The following RARB variants were observed in gnomAD, a reference collection of about 807,000 sequenced individuals.
RARB encodes the protein HBV-activated protein.
A neutral mutation model predicts 51.9 loss-of-function variants in RARB; 17 were observed. That is an observed-to-expected ratio of 0.33 (90% CI 0.22 to 0.49). The LOEUF is 0.49. Ranked by LOEUF, RARB falls within the 20% of genes least tolerant of loss-of-function variation. The pLI is 0.99. For synonymous variants in RARB, 215 were observed against 195.4 expected (o/e 1.10, Z -0.84); for missense variants, 369 against 550.8 (o/e 0.67, Z 3.30).
chr3:25,138,596 T>C (rs1176940594), intron 4 of RARB, among the ~76,000 whole-genome samples: 2 of 152,144 alleles, frequency 1.3e-5, no homozygotes, highest in Non-Finnish European at 2.9e-5. Flanking sequence ...CATTAGTTTC[T>C]AGGAAAAGAA....
intron 5 of RARB, chr3:25,324,090 T>G (rs1476396890): frequency 6.6e-6 from 1 of 152,130 alleles, no homozygotes; most frequent in South Asian, 2.1e-4. Flanking sequence ...GAAGATACTG[T>G]GTACTATTGA....
In RARB at chr3:25,382,889, A is replaced by T. The variant is rs73157837; in HGVS notation, c.179-78304A>T. ...ATAAACAAAAAAAAGTATCAGGATA[A>T]CACAGCTGGCACCAGCTGCTGAAGA... is the stretch of plus-strand genomic sequence containing the variant. On this transcript the variant is annotated intron_variant, in intron 5 of 11. Coordinates refer to the RARB transcript ENST00000383772. 5.3e-3 allele frequency among the ~76,000 whole-genome samples: 809 copies of T among 152,248 alleles called. 10 individuals carry two copies. Among genetic ancestry groups the T allele is most frequent in the African/African-American group, 0.018 (766 of 41,550 alleles).
intron 5 of RARB, among the ~76,000 whole-genome samples, chr3:25,207,388 AAC>A (rs1701577483): frequency 6.6e-6 from 1 of 152,210 alleles, no homozygotes. Context: ...TTCCCAAGGA[AAC>A]ACAGCTTGTT....
chr3:25,414,748 T>C (rs2125502766), intron 5 of RARB, among the ~76,000 whole-genome samples: 1 of 152,366 alleles, frequency 6.6e-6, no homozygotes, highest in African/African-American at 2.4e-5. Flanking sequence ...TCAAATTGTT[T>C]ACCCAATAAG....
At chr3:25,226,350 C>T (rs1702056424) in intron 5 of RARB, among the ~76,000 whole-genome samples, 1 of 152,138 alleles carries the variant, frequency 6.6e-6, no homozygotes, top group South Asian at 2.1e-4. Flanking sequence ...CTTGCTCTGA[C>T]TTCAAGATAA....
At chr3:25,152,669 G>A (rs1337588288) in intron 4 of RARB, among the ~76,000 whole-genome samples, 3 of 152,002 alleles carry the variant, frequency 2.0e-5, no homozygotes, top group Non-Finnish European at 2.9e-5. Flanking sequence ...AACCAGCCTG[G>A]TACATTAAAC....
intron 2 of RARB, among the ~76,000 whole-genome samples, chr3:25,056,063 GC>G (rs1698435386): frequency 6.6e-6 from 1 of 152,128 alleles, no homozygotes; most frequent in African/African-American, 2.4e-5. Context: ...CGGGAAACAT[GC>G]CCAACTCTTA....
At chr3:24,979,448 TA>T (rs1415338406) in intron 2 of RARB, among the ~76,000 whole-genome samples, 9 of 152,356 alleles carry the variant, frequency 5.9e-5, no homozygotes, top group African/African-American at 1.7e-4. Flanking sequence ...ATATTTAGGA[TA>T]GTTAGCTCTT....
At chr3:25,305,650 G>A (rs979848781) in intron 5 of RARB, among the ~76,000 whole-genome samples, 2 of 152,180 alleles carry the variant, frequency 1.3e-5, no homozygotes, top group Non-Finnish European at 2.9e-5. Context: ...GCAGCTGGCT[G>A]TCATATCTGT....
chr3:24,921,216 T>G, intron 2 of RARB, among the ~76,000 whole-genome samples: 1 of 152,166 alleles, frequency 6.6e-6, no homozygotes, highest in Non-Finnish European at 1.5e-5. Flanking sequence ...ATTCATTCAT[T>G]ATTGCACTCC....
intron 3 of RARB, among the ~76,000 whole-genome samples, chr3:25,120,976 C>A (rs1217813270): frequency 1.3e-5 from 2 of 152,170 alleles, no homozygotes; most frequent in African/African-American, 4.8e-5. Flanking sequence ...AGACCCTTTA[C>A]AGAAAAAGTT....
chr3:25,454,498 C>G (rs1328512749), intron 1 of RARB, among the ~76,000 whole-genome samples: 1 of 152,188 alleles, frequency 6.6e-6, no homozygotes, highest in African/African-American at 2.4e-5. Flanking sequence ...TGCTTTATAA[C>G]TCCTTTTTCT....
chr3:25,596,184 A>T (rs1022223661), intron 7 of RARB, among the ~76,000 whole-genome samples: 5 of 152,162 alleles, frequency 3.3e-5, no homozygotes, highest in African/African-American at 9.7e-5. Context: ...CTAACACATG[A>T]TTTTTGGTGG....
chr3:25,099,128 G>A (rs139117446), intron 3 of RARB, among the ~76,000 whole-genome samples: 26 of 152,228 alleles, frequency 1.7e-4, no homozygotes, highest in Admixed American at 3.3e-4. Flanking sequence ...TGAGTGAGGT[G>A]GTGAGCATAA....
At chr3:25,448,965 G>A (rs1709069435) in intron 1 of RARB, among the ~76,000 whole-genome samples, 1 of 151,900 alleles carries the variant, frequency 6.6e-6, no homozygotes, top group Admixed American at 6.6e-5. Context: ...TCTGTAGACA[G>A]TGACAGAAAA....
At chr3:25,268,897 C>G (rs1054680323) in intron 5 of RARB, among the ~76,000 whole-genome samples, 1 of 152,142 alleles carries the variant, frequency 6.6e-6, no homozygotes, top group East Asian at 1.9e-4. Context: ...GCCTGTCAAA[C>G]CACCCAACAC....
Position 24,888,823 on chromosome 3 carries a change from C to T in RARB, c.-380+30071C>T, listed in dbSNP as rs149607025. On this transcript the variant is annotated intron_variant, in intron 2 of 11. Coordinates refer to the RARB transcript ENST00000383772. ...GTTGTAGAATATGTGGTTCAGTCTT[C>T]TCCATAGGGTTACTGGAGCAGGGCT... 5.4e-4 allele frequency among the ~76,000 whole-genome samples: 82 copies of T among 152,288 alleles called. 1 individual carries two copies. Among genetic ancestry groups the T allele is most frequent in the African/African-American group, 1.9e-3 (80 of 41,550 alleles).
intron 5 of RARB, among the ~76,000 whole-genome samples, chr3:25,310,969 G>A (rs1023703773): frequency 6.6e-6 from 1 of 152,220 alleles, no homozygotes; most frequent in Non-Finnish European, 1.5e-5. Context: ...TAAAGGAGAT[G>A]TATACATAAT....
chr3:25,316,846 A>G (rs1704437036), intron 5 of RARB, among the ~76,000 whole-genome samples: 1 of 152,200 alleles, frequency 6.6e-6, no homozygotes, highest in Non-Finnish European at 1.5e-5. Context: ...GGACAGAGAA[A>G]ATGATTTAAG....
Sources: allele counts gnomAD v4.1 joint callset (sites outside exome capture counted in the v4.1 genomes callset), GRCh38; gene constraint gnomAD v4.1.1; transcripts MANE v1.5; gene names NCBI Gene and HGNC (gene_info 2026-07-23, HGNC 2026-07-21).